Variants in SORCS1 observed in about 807,000 individuals in gnomAD.
SORCS1 encodes VPS10 domain-containing receptor SorCS1.
A neutral mutation model predicts 146.1 loss-of-function variants in SORCS1; 60 were observed. The observed-to-expected ratio is 0.41, with a 90% CI of 0.33 to 0.51. The LOEUF (loss-of-function observed/expected upper bound fraction) is 0.51. SORCS1 is among the 20% of genes least tolerant of loss of function. SORCS1 has a pLI of 0.21. For synonymous variants in SORCS1, 637 were observed against 584.0 expected, an observed-to-expected ratio of 1.09 and a Z score of -1.31; for missense variants, 1,352 against 1,487.6, an observed-to-expected ratio of 0.91 and a Z score of 1.50.
chr10:107,007,010 T>C (rs942636487), intron 1 of SORCS1, among the ~76,000 whole-genome samples: 18 of 152,250 alleles, frequency 1.2e-4, no homozygotes, highest in Non-Finnish European at 2.6e-4. Flanking sequence ...GTCATTTCCC[T>C]TGTATCTCCA....
chr10:107,095,199 A>G (rs1964463040), intron 1 of SORCS1, among the ~76,000 whole-genome samples: 1 of 152,184 alleles, frequency 6.6e-6, no homozygotes, highest in Non-Finnish European at 1.5e-5. Flanking sequence ...TATAGCACCC[A>G]CAAGCATTAG....
intron 8 of SORCS1, among the ~76,000 whole-genome samples, chr10:106,699,810 G>T (rs703496): frequency 2.0e-5 from 3 of 152,154 alleles, no homozygotes; most frequent in Admixed American, 2.0e-4. Context: ...AACCCTGCAT[G>T]TCTCAGCATG....
At chr10:106,685,894 T>C (rs1202892655) in intron 10 of SORCS1, among the ~76,000 whole-genome samples, 3 of 152,238 alleles carry the variant, frequency 2.0e-5, no homozygotes, top group Admixed American at 6.5e-5. Flanking sequence ...AACAGCAATC[T>C]GATATATAGT....
chr10:107,153,073 C>T (rs1348224544), intron 1 of SORCS1, among the ~76,000 whole-genome samples: 5 of 151,726 alleles, frequency 3.3e-5, no homozygotes, highest in Admixed American at 1.3e-4. Context: ...TCCCTCCTTC[C>T]CTCTCCCTCC....
chr10:106,798,595 T>C (rs1037766565), intron 3 of SORCS1, among the ~76,000 whole-genome samples: 6 of 152,216 alleles, frequency 3.9e-5, no homozygotes, highest in Non-Finnish European at 8.8e-5. Flanking sequence ...GCTTCACCCA[T>C]GTCCCTACAA....
chr10:107,114,426 A>T (rs1965892403), intron 1 of SORCS1, among the ~76,000 whole-genome samples: 1 of 152,160 alleles, frequency 6.6e-6, no homozygotes, highest in Admixed American at 6.5e-5. Context: ...AGGATCATAC[A>T]CCATGTCAAA....
At chr10:106,586,815 A>G (rs1845266146) in intron 24 of SORCS1, among the ~76,000 whole-genome samples, 1 of 152,006 alleles carries the variant, frequency 6.6e-6, no homozygotes, top group African/African-American at 2.4e-5. Context: ...TATTAATTGG[A>G]TGTGGTGGTG....
intron 2 of SORCS1, among the ~76,000 whole-genome samples, chr10:106,916,664 A>G: frequency 6.7e-6 from 1 of 150,294 alleles, no homozygotes; most frequent in East Asian, 1.9e-4. Flanking sequence ...AATAAATTAT[A>G]TAAATATATA....
Position 106,867,889 on chromosome 10 carries a change from C to T in SORCS1, c.627-38216G>A, listed in dbSNP as rs1198859807. On this transcript the variant is annotated intron_variant, in intron 2 of 25. Coordinates refer to ENST00000263054, the MANE Select transcript of SORCS1 (RefSeq NM_052918.5). ...ACCTTGAATGTAAACTGGCTAAATG[C>T]CCCACTTTAAAGGCACAGAGTGTCA... 9.2e-5 allele frequency among the ~76,000 whole-genome samples: 14 copies of T among 152,146 alleles called. No individual in the cohort carries two copies. In the East Asian group the frequency reaches 2.7e-3, roughly 29 times the overall value.
intron 24 of SORCS1, among the ~76,000 whole-genome samples, chr10:106,580,543 G>C (rs1803720783): frequency 6.6e-6 from 1 of 152,140 alleles, no homozygotes; most frequent in South Asian, 2.1e-4. Flanking sequence ...ATGTACTCCA[G>C]GGAAGCCTTG....
intron 3 of SORCS1, among the ~76,000 whole-genome samples, chr10:106,777,498 T>C (rs1393062622): frequency 6.6e-6 from 1 of 152,320 alleles, no homozygotes; most frequent in Non-Finnish European, 1.5e-5. Context: ...GAGATATGGA[T>C]GGAAGCTTCA....
intron 8 of SORCS1, among the ~76,000 whole-genome samples, chr10:106,702,144 G>T (rs897902144): frequency 2.0e-5 from 3 of 152,200 alleles, no homozygotes; most frequent in African/African-American, 7.2e-5. Context: ...GGAGAGACTT[G>T]TCTGTGGAAA....
chr10:106,720,561 T>A (rs1254241528), intron 6 of SORCS1, among the ~76,000 whole-genome samples: 1 of 50,792 alleles, frequency 2.0e-5, no homozygotes, highest in Admixed American at 1.4e-4. Context: ...CCGATGCTAC[T>A]TTTTTTTTAA....
chr10:106,791,132 A>T (rs756451199), intron 3 of SORCS1, among the ~76,000 whole-genome samples: 2 of 152,220 alleles, frequency 1.3e-5, no homozygotes, highest in Non-Finnish European at 2.9e-5. Flanking sequence ...ATACAGCAAG[A>T]GGGTGTCGTG....
chr10:106,831,537 T>C (rs1948544996), intron 2 of SORCS1, among the ~76,000 whole-genome samples: 2 of 152,210 alleles, frequency 1.3e-5, no homozygotes, highest in African/African-American at 4.8e-5. Flanking sequence ...TCTTAATTAA[T>C]TTCTGAAACT....
chr10:107,163,470 C>T (rs1179507849), intron 1 of SORCS1, among the ~76,000 whole-genome samples: 1 of 152,164 alleles, frequency 6.6e-6, no homozygotes, highest in Non-Finnish European at 1.5e-5. Context: ...GCAGTTCTCC[C>T]TTGTGGAGAA....
At chr10:106,938,589 T>C (rs1025961822) in intron 2 of SORCS1, among the ~76,000 whole-genome samples, 2 of 152,236 alleles carry the variant, frequency 1.3e-5, no homozygotes, top group Admixed American at 6.5e-5. Flanking sequence ...CCTTCCCACA[T>C]GCTTCCTGGT....
In SORCS1 at chr10:106,827,400, T is replaced by C. The variant is rs570895764; in HGVS notation, c.726+2174A>G. Reference sequence around the variant, plus strand: ...TAGATTCAAGGCAGGGACTTAGATTTCTGAATCTTAGTTCAGGGATCTTTC... The same window carrying C: ...TAGATTCAAGGCAGGGACTTAGATTCCTGAATCTTAGTTCAGGGATCTTTC... On this transcript the variant is annotated intron_variant, in intron 3 of 25. Coordinates refer to ENST00000263054, the MANE Select transcript of SORCS1 (RefSeq NM_052918.5). 4.6e-5 allele frequency among the ~76,000 whole-genome samples: 7 copies of C among 152,302 alleles called. No individual in the cohort carries two copies. The East Asian group carries it at 1.4e-3, about 29-fold the overall frequency.
intron 2 of SORCS1, among the ~76,000 whole-genome samples, chr10:106,857,938 C>G (rs1349884786): frequency 1.3e-5 from 2 of 152,180 alleles, no homozygotes; most frequent in South Asian, 4.1e-4. Context: ...GAATCTGCCC[C>G]GAAATACGTT....
Sources: gnomAD v4.1 joint callset for allele counts (sites outside exome capture counted in the v4.1 genomes callset) on GRCh38, gnomAD v4.1.1 for gene constraint, MANE v1.5 for transcripts, NCBI Gene and HGNC (gene_info 2026-07-23, HGNC 2026-07-21) for gene names.